The following VAV1 variants were observed in gnomAD, a reference collection of about 807,000 sequenced individuals.
The protein encoded by VAV1 is proto-oncogene vav.
In VAV1, 33 loss-of-function variants were observed where a neutral mutation model predicts 128.1. The ratio of observed to expected loss-of-function variants is 0.26; its 90% CI spans 0.20 to 0.34. The LOEUF (loss-of-function observed/expected upper bound fraction) is 0.34. Ranked by LOEUF, VAV1 falls within the 10% of genes least tolerant of loss-of-function variation. The pLI is 1.00. For missense variants in VAV1, 715 were observed against 1,093.7 expected (o/e 0.65, Z 4.88); for synonymous variants, 394 against 409.8 (o/e 0.96, Z 0.47).
At position 6,822,169 on chromosome 19, in the gene VAV1, C is replaced by T; in HGVS notation, c.450-52C>T. 1.3e-6 allele frequency: 2 copies of T among 1,524,592 alleles called. No individual in the cohort carries two copies. Among genetic ancestry groups the T allele is most frequent in the Non-Finnish European group, 1.8e-6 (2 of 1,123,124 alleles). The allele number at this position is 1,524,592 out of a possible 1,614,324, so 94.4% of individuals were successfully genotyped here. A position where few individuals can be genotyped will look rare whatever the true frequency, so the allele number is the denominator to read the frequency against. ...GCCCTGCGCTGGGGTCTGCGGGGAC[C>T]CTGCTGTGATCTGGGAGAGGTCCAA... On this transcript the variant is annotated intron_variant, in intron 4 of 26. Coordinates refer to ENST00000602142, the MANE Select transcript of VAV1 (RefSeq NM_005428.4). This position sits in a 1 kb window ranked among gnomAD's most constrained non-coding sequence, Gnocchi z 5.9.
At chr19:6,842,951 G>A (rs1452909956) in intron 21 of VAV1, among the ~76,000 whole-genome samples, 184 bp from the exon 22 acceptor site, 1 of 152,114 alleles carries the variant, frequency 6.6e-6, no homozygotes, top group Non-Finnish European at 1.5e-5. Flanking sequence ...ATATGATACT[G>A]GGGCAGTCTC....
At chr19:6,807,550 C>G (rs1197953193) in intron 1 of VAV1, among the ~76,000 whole-genome samples, 1 of 151,940 alleles carries the variant, frequency 6.6e-6, no homozygotes, top group Non-Finnish European at 1.5e-5. Context: ...GATGTGTGGC[C>G]CAGTTCCTAA....
intron 9 of VAV1, among the ~76,000 whole-genome samples, chr19:6,827,607 T>C (rs1971950134): frequency 6.6e-6 from 1 of 152,084 alleles, no homozygotes; most frequent in Non-Finnish European, 1.5e-5. Context: ...TTTGTTTGTC[T>C]TTGTTTTTTG....
At chr19:6,798,567 C>A (rs1301080765) in intron 1 of VAV1, among the ~76,000 whole-genome samples, 1 of 152,050 alleles carries the variant, frequency 6.6e-6, no homozygotes, top group Non-Finnish European at 1.5e-5. Context: ...ATGGGAGGAT[C>A]ATTTGAACCC....
intron 1 of VAV1, among the ~76,000 whole-genome samples, chr19:6,803,525 C>T (rs1049878955): frequency 6.6e-6 from 1 of 152,112 alleles, no homozygotes; most frequent in Non-Finnish European, 1.5e-5. Flanking sequence ...CCTACTTCCT[C>T]GTATGGATAA....
Position 6,808,122 on chromosome 19 carries a change from T to G in VAV1, c.205-12580T>G, listed in dbSNP as rs1485308459. Among the ~76,000 whole-genome samples, 7 of 151,708 alleles carry G rather than the reference T, an allele frequency of 4.6e-5. No homozygotes were observed. The South Asian group carries it at 1.5e-3, about 32-fold the overall frequency. On this transcript the variant is annotated intron_variant, in intron 1 of 26. Transcript: ENST00000602142. ...GAGGTCAGGAGTTTGAGACCAGCCT[T>G]GCCAGCATGGTGAAACCCGTCTCTA... is the stretch of plus-strand genomic sequence containing the variant.
chr19:6,836,609 G>A (rs1188801496), intron 20 of VAV1, 41 bp downstream of exon 20: 1 of 1,609,850 alleles, frequency 6.2e-7, no homozygotes, highest in Admixed American at 1.7e-5. Context: ...TGGGACCCAA[G>A]TGTAGGGTTA....
chr19:6,820,935 C>A lies in VAV1; in HGVS notation c.321+117C>A. ...CAGACAAGCCAGACCAGGCCATATA[C>A]AAGACGCAAATAGCACTGGCTTGGG... is the stretch of plus-strand genomic sequence containing the variant. On this transcript the variant is annotated intron_variant, in intron 2 of 26. Transcript: ENST00000602142. The surrounding 1 kb of genome is among the most constrained non-coding windows in gnomAD (Gnocchi z 4.4). The A allele has an allele frequency of 1.0e-6, 1 of 962,232 alleles. No individual in the cohort carries two copies. The highest frequency in any genetic ancestry group is 1.6e-6 in the Non-Finnish European group (1 of 611,414). 59.6% of individuals were successfully genotyped at this position (962,232 alleles called of 1,614,324 possible).
chr19:6,776,077 TATCC>T (rs56806852), intron 1 of VAV1, among the ~76,000 whole-genome samples: 23,367 of 128,804 alleles, frequency 0.18, 1,937 homozygotes, highest in African/African-American at 0.21. Context: ...TCCATCCATT[TATCC>T]ATCCATCCAT....
chr19:6,814,954 C>T (rs1971614336), intron 1 of VAV1, among the ~76,000 whole-genome samples: 1 of 151,252 alleles, frequency 6.6e-6, no homozygotes, highest in African/African-American at 2.4e-5. Context: ...GATTTTTTTC[C>T]CCCTCTTTCT....
rs1165549029 is a variant in VAV1 at position 6,836,536 on chromosome 19, A to G, written c.1882A>G (p.Thr628Ala). The change falls in exon 20 of 27, where the codon ACG (threonine) becomes GCG (alanine). Residue 628 changes from threonine to alanine, a missense_variant. Transcript: ENST00000602142. ...RLNPGDIVEL[T>A]KAEAEQNWWE... is the part of the protein sequence containing the mutation. ...CAACCCTGGAGACATTGTGGAGCTC[A>G]CGAAGGCTGAGGCTGAACAGAACTG... The G allele has an allele frequency of 6.2e-7, 1 of 1,613,798 alleles. No individual in the cohort carries two copies. Among genetic ancestry groups the G allele is most frequent in the South Asian group, 1.1e-5 (1 of 91,070 alleles).
chr19:6,772,790 C>T lies in VAV1; in HGVS notation c.-18C>T. 1 of 1,610,212 alleles carries T rather than the reference C, an allele frequency of 6.2e-7. No homozygotes were observed. The highest frequency in any genetic ancestry group is 2.2e-5 in the East Asian group (1 of 44,834). ...GAGGCTGCGAGGGTGCACGGCCGGC[C>T]CTGGGCAGGCGGTAGCCATGGAGCT... On this transcript the variant is annotated 5_prime_UTR_variant, in exon 1 of 27. Coordinates refer to ENST00000602142, the MANE Select transcript of VAV1 (RefSeq NM_005428.4). The surrounding 1 kb of genome is among the most constrained non-coding windows in gnomAD (Gnocchi z 4.8).
intron 25 of VAV1, 32 bp downstream of exon 25, chr19:6,853,111 T>C (rs1972708334): frequency 2.5e-6 from 4 of 1,597,532 alleles, no homozygotes; most frequent in Non-Finnish European, 3.4e-6. Context: ...GCTTACAGCC[T>C]CAGCCCCTTC....
At chr19:6,832,648 C>CCTT (rs1327272225) in intron 15 of VAV1, among the ~76,000 whole-genome samples, 26 of 91,778 alleles carry the variant, frequency 2.8e-4, no homozygotes, top group Admixed American at 4.6e-4. Flanking sequence ...CCTTTCCTCC[C>CCTT]CTTCTTCCTC....
intron 26 of VAV1, among the ~76,000 whole-genome samples, chr19:6,854,356 A>G (rs975118757): frequency 1.3e-5 from 2 of 152,158 alleles, no homozygotes; most frequent in Non-Finnish European, 2.9e-5. Flanking sequence ...TGCCCTCATG[A>G]AACTTATAAT....
At chr19:6,788,544 T>G (rs1970946750) in intron 1 of VAV1, among the ~76,000 whole-genome samples, 1 of 151,838 alleles carries the variant, frequency 6.6e-6, no homozygotes, top group African/African-American at 2.4e-5. Context: ...ACCTGGCTAA[T>G]TTTTGTATTT....
chr19:6,849,457 T>C (rs1000443581), intron 23 of VAV1, among the ~76,000 whole-genome samples: 1 of 136,838 alleles, frequency 7.3e-6, no homozygotes, highest in Non-Finnish European at 1.6e-5. Flanking sequence ...GCCTGGCTAA[T>C]TTTTTTGTAT....
chr19:6,775,418 A>G (rs938309432), intron 1 of VAV1, among the ~76,000 whole-genome samples: 2 of 152,142 alleles, frequency 1.3e-5, no homozygotes, highest in African/African-American at 4.8e-5. Flanking sequence ...TCCCTGGGAG[A>G]GCAGCTGCAC....
At position 6,850,751 on chromosome 19, in the gene VAV1, G is replaced by T. The variant is rs146975138; in HGVS notation, c.2211G>T (p.Gly737=). 6.2e-7 allele frequency: 1 copy of T among 1,613,876 alleles called. No homozygotes were observed. Among genetic ancestry groups the T allele is most frequent in the Non-Finnish European group, 8.5e-7 (1 of 1,179,982 alleles). ...TCACAGAGAAAAAGGCTTTCCGGGG[G>T]CTTACGGTAAGGGTCAATGTCCGCT... ...YRITEKKAFR[G]LTELVEFYQQ... is the part of the protein sequence containing the mutation. The change falls in exon 24 of 27, where the codon GGG becomes GGT. Residue 737 remains glycine (G), a synonymous_variant. Transcript: ENST00000602142.
Sources: allele counts gnomAD v4.1 joint callset (sites outside exome capture counted in the v4.1 genomes callset), GRCh38; gene constraint gnomAD v4.1.1; non-coding constraint Gnocchi (gnomAD v3.1); transcripts MANE v1.5; gene names NCBI Gene and HGNC (gene_info 2026-07-23, HGNC 2026-07-21).